NRXN1: variants seen among roughly 807,000 people sequenced by gnomAD.
The protein encoded by NRXN1 is neurexin 1.
A neutral mutation model predicts 150.9 loss-of-function variants in NRXN1; 39 were observed. The ratio of observed to expected loss-of-function variants is 0.26; its 90% CI spans 0.20 to 0.34. NRXN1 has a LOEUF of 0.34. Ranked by LOEUF, NRXN1 falls within the 10% of genes least tolerant of loss-of-function variation. NRXN1 has a pLI of 1.00. For synonymous variants in NRXN1, 924 were observed against 757.0 expected (o/e 1.22, Z -3.62); for missense variants, 1,815 against 1,949.9 (o/e 0.93, Z 1.30).
At chr2:50,221,185 AAAC>A (rs1238717923) in intron 18 of NRXN1, among the ~76,000 whole-genome samples, 1 of 52,336 alleles carries the variant, frequency 1.9e-5, no homozygotes. Flanking sequence ...TGTTGGAAAT[AAAC>A]AACAAAGAAC....
chr2:50,145,961 A>G (rs1212486277), intron 18 of NRXN1, among the ~76,000 whole-genome samples: 2 of 151,596 alleles, frequency 1.3e-5, no homozygotes, highest in Non-Finnish European at 3.0e-5. Context: ...GATGACAAAT[A>G]GCCAGAAAAA....
At chr2:50,605,024 C>T (rs574805368) in intron 8 of NRXN1, among the ~76,000 whole-genome samples, 2 of 152,320 alleles carry the variant, frequency 1.3e-5, no homozygotes, top group East Asian at 1.9e-4. Flanking sequence ...AGGGTTTCAT[C>T]TACTTGGGAA....
intron 21 of NRXN1, among the ~76,000 whole-genome samples, chr2:50,041,812 G>A (rs1678072643): frequency 6.6e-6 from 1 of 152,126 alleles, no homozygotes; most frequent in African/African-American, 2.4e-5. Flanking sequence ...CATTAACAAT[G>A]CCCCTCCTCC....
At chr2:50,227,588 AC>A (rs1231204129) in intron 18 of NRXN1, among the ~76,000 whole-genome samples, 1 of 151,990 alleles carries the variant, frequency 6.6e-6, no homozygotes, top group Non-Finnish European at 1.5e-5. Context: ...AGAGGTTGAG[AC>A]CCACTGTAAC....
At chr2:50,218,498 T>C (rs1017282571) in intron 18 of NRXN1, among the ~76,000 whole-genome samples, 1 of 151,652 alleles carries the variant, frequency 6.6e-6, no homozygotes, top group African/African-American at 2.4e-5. Context: ...TTCTTTTTTT[T>C]TTTTTTTTTC....
At chr2:50,929,029 G>A (rs1037126110) in intron 2 of NRXN1, among the ~76,000 whole-genome samples, 2 of 152,102 alleles carry the variant, frequency 1.3e-5, no homozygotes, top group African/African-American at 2.4e-5. Context: ...ATGGGAATTA[G>A]GCACCAGAAT....
chr2:50,982,118 G>A (rs553100550), intron 2 of NRXN1, among the ~76,000 whole-genome samples: 1 of 151,870 alleles, frequency 6.6e-6, no homozygotes, highest in Non-Finnish European at 1.5e-5. Flanking sequence ...ATAACAAATA[G>A]GCAAAAAGCT....
At chr2:50,298,942 C>G (rs2073894242) in intron 17 of NRXN1, among the ~76,000 whole-genome samples, 1 of 152,064 alleles carries the variant, frequency 6.6e-6, no homozygotes, top group African/African-American at 2.4e-5. Context: ...ATAGCCTGTC[C>G]ACTTTTCAAA....
intron 2 of NRXN1, among the ~76,000 whole-genome samples, chr2:50,992,601 C>A (rs576982678): frequency 6.6e-6 from 1 of 151,998 alleles, no homozygotes; most frequent in African/African-American, 2.4e-5. Context: ...CAGGGAGGGC[C>A]TTTTGAGGAT....
chr2:50,925,878 A>C, intron 3 of NRXN1, 60 bp downstream of exon 3: 27 of 1,243,754 alleles, frequency 2.2e-5, no homozygotes, highest in East Asian at 5.0e-5. Context: ...GATGTACCCT[A>C]TTAGTACTAA....
chr2:50,459,307 A>T (rs951798156), intron 17 of NRXN1, among the ~76,000 whole-genome samples: 1 of 152,134 alleles, frequency 6.6e-6, no homozygotes, highest in African/African-American at 2.4e-5. Flanking sequence ...AATGATACTA[A>T]GTATTTTTTT....
chr2:50,693,845 G>A (rs1024609578), intron 5 of NRXN1, among the ~76,000 whole-genome samples: 3 of 152,168 alleles, frequency 2.0e-5, no homozygotes, highest in Non-Finnish European at 2.9e-5. Flanking sequence ...AGGCTGAAGT[G>A]CAGTGGTGCA....
chr2:50,097,274 C>G (rs1268642409), intron 18 of NRXN1, among the ~76,000 whole-genome samples: 1 of 152,204 alleles, frequency 6.6e-6, no homozygotes, highest in African/African-American at 2.4e-5. Context: ...GCAGGGAGCC[C>G]TGTTTACGTT....
At chr2:50,053,622 T>C (rs773436846) in intron 20 of NRXN1, 32 bp from the exon 21 acceptor site, 4 of 1,606,842 alleles carry the variant, frequency 2.5e-6, no homozygotes, top group Non-Finnish European at 3.4e-6. Flanking sequence ...CATGCAAAAA[T>C]GTTGATTGTG....
intron 2 of NRXN1, among the ~76,000 whole-genome samples, chr2:50,935,645 T>G (rs1418224544): frequency 6.6e-6 from 1 of 151,934 alleles, no homozygotes; most frequent in Non-Finnish European, 1.5e-5. Context: ...GATAATCACT[T>G]GAATCTGGGA....
chr2:50,588,794 C>G (rs1673597639), intron 8 of NRXN1: 1 of 152,116 alleles, frequency 6.6e-6, no homozygotes, highest in Non-Finnish European at 1.5e-5. Context: ...TTTGATGTTA[C>G]TTCTGTGAAG....
intron 18 of NRXN1, among the ~76,000 whole-genome samples, chr2:50,140,655 G>C (rs1028707949): frequency 2.0e-5 from 3 of 149,218 alleles, no homozygotes; most frequent in African/African-American, 7.3e-5. Context: ...GATATTCTGA[G>C]CTTTTTTCTC....
chr2:50,840,729 A>G (rs1316453305), intron 5 of NRXN1, among the ~76,000 whole-genome samples: 1 of 152,166 alleles, frequency 6.6e-6, no homozygotes. Flanking sequence ...CATTTTAGAA[A>G]TAGGGGATTC....
Position 50,413,687 on chromosome 2 carries a change from C to T in NRXN1, c.3364+51755G>A, listed in dbSNP as rs112115513. ...TAGCAATCCCAATACTGAGTATATA[C>T]CCCAAAGAAAGGAAATCAGTATATC... On this transcript the variant is annotated intron_variant, in intron 17 of 22. Transcript: ENST00000401669. 5.1e-3 allele frequency among the ~76,000 whole-genome samples: 772 copies of T among 152,150 alleles called. 7 individuals carry two copies. The highest frequency in any genetic ancestry group is 0.018 in the African/African-American group (734 of 41,494).
Sources: allele counts gnomAD v4.1 joint callset (sites outside exome capture counted in the v4.1 genomes callset), GRCh38; gene constraint gnomAD v4.1.1; transcripts MANE v1.5; gene names NCBI Gene and HGNC (gene_info 2026-07-23, HGNC 2026-07-21).